BACE1: variants seen among roughly 807,000 people sequenced by gnomAD.
BACE1 encodes beta-secretase 1, also known as APP beta-secretase.
A neutral mutation model predicts 54.0 loss-of-function variants in BACE1; 21 were observed. That is an observed-to-expected ratio of 0.39 (90% CI 0.28 to 0.56). BACE1 has a LOEUF of 0.56. Among genes scored for constraint, BACE1 ranks in the 20% least tolerant of loss-of-function variants. BACE1 has a pLI of 0.63. For missense variants in BACE1, 511 were observed against 661.2 expected (o/e 0.77, Z 2.49); for synonymous variants, 232 against 260.9 (o/e 0.89, Z 1.07).
chr11:117,311,384 T>C (rs577402175), intron 1 of BACE1, among the ~76,000 whole-genome samples: 2 of 152,278 alleles, frequency 1.3e-5, no homozygotes, highest in African/African-American at 4.8e-5. Context: ...TCCTGCCACC[T>C]TTCCTATTCC....
chr11:117,289,625 GGCA>G lies in BACE1; in HGVS notation c.1444_1446del (p.Cys482del). 6.2e-7 allele frequency: 1 copy of G among 1,614,218 alleles called. No individual in the cohort carries two copies. Among genetic ancestry groups the G allele is most frequent in the Non-Finnish European group, 8.5e-7 (1 of 1,180,038 alleles). ...TCATGCTGCTGGCGCAGGCAGCGGA[GGCA>G]GCGCCACTGACACACCATGAGGCAG... On this transcript the variant is annotated inframe_deletion, in exon 9 of 9. Coordinates refer to ENST00000313005, the MANE Select transcript of BACE1 (RefSeq NM_012104.6).
intron 1 of BACE1, 153 bp from the exon 2 acceptor site, chr11:117,297,114 C>T (rs985063833): frequency 4.9e-6 from 3 of 607,726 alleles, no homozygotes; most frequent in African/African-American, 1.9e-5. Flanking sequence ...GCACCCGTTA[C>T]CACCACGACC....
rs972247205 is a variant in BACE1, at chr11:117,316,129, C to A, written c.-334G>T. ...GCCGGTGGCGGCTTCCCTGGTCCCC[C>A]CGGCGGGCGGCGGCGCGGGCAGGGG... On this transcript the variant is annotated 5_prime_UTR_variant, in exon 1 of 9. Coordinates refer to ENST00000313005, the MANE Select transcript of BACE1 (RefSeq NM_012104.6). 44 of 396,532 alleles carry A rather than the reference C, an allele frequency of 1.1e-4. No homozygotes were observed. The highest frequency in any genetic ancestry group is 5.8e-5 in the Non-Finnish European group (13 of 225,234). The allele number at this position is 396,532 out of a possible 1,614,324, so 24.6% of individuals were successfully genotyped here.
chr11:117,295,729 C>G (rs1415613185), intron 2 of BACE1: 2 of 1,424,652 alleles, frequency 1.4e-6, no homozygotes, highest in Middle Eastern at 2.6e-4. Flanking sequence ...ACCATTGACT[C>G]TCTTACTGCC....
rs1358349412 is a variant in BACE1, at chr11:117,294,327, G to A, written c.568-319C>T. The A allele has an allele frequency of 3.9e-5, 7 of 178,032 alleles. No individual in the cohort carries two copies. In the South Asian group the frequency reaches 8.2e-4, roughly 21 times the overall value. The allele number at this position is 178,032 out of a possible 1,614,324, so 11.0% of individuals were successfully genotyped here. A position where few individuals can be genotyped will look rare whatever the true frequency, so the allele number is the denominator to read the frequency against. ...CACCTCCTGGGTTCAAGTGATTCTC[G>A]TGCCTCAGCCTCCTGAGTAGCTGGG... On this transcript the variant is annotated intron_variant, in intron 3 of 8. Transcript: ENST00000313005.
intron 1 of BACE1, among the ~76,000 whole-genome samples, chr11:117,312,644 G>A (rs188291606): frequency 3.7e-4 from 56 of 152,112 alleles, no homozygotes; most frequent in African/African-American, 1.3e-3. Context: ...TGCATTTTTC[G>A]TAGAGATGGG....
Position 117,316,124 on chromosome 11 carries a change from TC to T in BACE1, c.-330del. 1.0e-5 allele frequency: 4 copies of T among 395,508 alleles called. No individual in the cohort carries two copies. The highest frequency in any genetic ancestry group is 1.3e-5 in the Non-Finnish European group (3 of 224,810). 24.5% of individuals were successfully genotyped at this position (395,508 alleles called of 1,614,324 possible). On this transcript the variant is annotated 5_prime_UTR_variant, in exon 1 of 9. Coordinates refer to ENST00000313005, the MANE Select transcript of BACE1 (RefSeq NM_012104.6). ...GGCGGGCCGGTGGCGGCTTCCCTGG[TC>T]CCCCCGGCGGGCGGCGGCGCGGGCA... is the stretch of plus-strand genomic sequence containing the variant.
chr11:117,306,209 T>A (rs769436074), intron 1 of BACE1, among the ~76,000 whole-genome samples: 1 of 152,146 alleles, frequency 6.6e-6, no homozygotes, highest in African/African-American at 2.4e-5. Context: ...TCTTGAGGCA[T>A]CTCTTCAGCA....
At chr11:117,312,573 C>G (rs776031952) in intron 1 of BACE1, among the ~76,000 whole-genome samples, 1 of 152,294 alleles carries the variant, frequency 6.6e-6, no homozygotes, top group Middle Eastern at 3.4e-3. Context: ...AGCAATTCTC[C>G]TACCTCAGCC....
chr11:117,305,359 T>C (rs142273276), intron 1 of BACE1, among the ~76,000 whole-genome samples: 4,541 of 152,092 alleles, frequency 0.03, 108 homozygotes, highest in South Asian at 0.049. Flanking sequence ...TGTCTCAGAG[T>C]CCAGCGACTG....
Position 117,315,955 on chromosome 11 carries a change from C to T in BACE1, c.-160G>A. 1 of 785,380 alleles carries T rather than the reference C, an allele frequency of 1.3e-6. No homozygotes were observed. The highest frequency in any genetic ancestry group is 1.8e-6 in the Non-Finnish European group (1 of 549,942). 48.7% of individuals were successfully genotyped at this position (785,380 alleles called of 1,614,324 possible). The stretch of plus-strand genomic sequence containing the variant: ...AGGGCCCTGGGCCAGCCCCCGGGTC[C>T]GGGCTGTGGAGAGCGGTCAGGGGAG... On this transcript the variant is annotated 5_prime_UTR_variant, in exon 1 of 9. Coordinates refer to ENST00000313005, the MANE Select transcript of BACE1 (RefSeq NM_012104.6). The surrounding 1 kb of genome is among the most constrained non-coding windows in gnomAD (Gnocchi z 5.5).
Position 117,290,636 on chromosome 11 carries a change from A to G in BACE1, c.1116T>C (p.Asp372=). Residue 372 remains aspartate (D), a synonymous_variant, in exon 8 of 9, where the codon GAT becomes GAC. Coordinates refer to ENST00000313005, the MANE Select transcript of BACE1 (RefSeq NM_012104.6). ...AACAGTCGTCTTGGGACGTGGCCACATCTTCCACTGGCCGCAGGTATTGCT... is the reference window on the plus strand; with the variant it reads ...AACAGTCGTCTTGGGACGTGGCCACGTCTTCCACTGGCCGCAGGTATTGCT... ...LPQQYLRPVE[D]VATSQDDCYK... The G allele has an allele frequency of 3.1e-6, 5 of 1,614,210 alleles. No individual in the cohort carries two copies. The highest frequency in any genetic ancestry group is 3.4e-6 in the Non-Finnish European group (4 of 1,180,048).
At chr11:117,291,353 C>G (rs931826671) in intron 6 of BACE1, among the ~76,000 whole-genome samples, 1 of 151,772 alleles carries the variant, frequency 6.6e-6, no homozygotes, top group African/African-American at 2.4e-5. Flanking sequence ...CATGGCTCAC[C>G]GCAACCTCCA....
chr11:117,294,242 G>C, intron 3 of BACE1: 1 of 312,660 alleles, frequency 3.2e-6, no homozygotes, highest in Non-Finnish European at 5.8e-6. Flanking sequence ...TTGAGACAGA[G>C]TTTTGCTCTT....
Position 117,316,240 on chromosome 11 carries a change from G to C in BACE1, c.-445C>G, listed in dbSNP as rs2035123216. On this transcript the variant is annotated 5_prime_UTR_variant, in exon 1 of 9. Coordinates refer to ENST00000313005, the MANE Select transcript of BACE1 (RefSeq NM_012104.6). Reference sequence around the variant, plus strand: ...GCTCGCAGCTCCCGGGCGGGCTGGGGAGGCGGAAAGACTTGTGGCGGCGGC... The same window carrying C: ...GCTCGCAGCTCCCGGGCGGGCTGGGCAGGCGGAAAGACTTGTGGCGGCGGC... The C allele has an allele frequency of 2.3e-6, 1 of 439,670 alleles. No individual in the cohort carries two copies. Among genetic ancestry groups the C allele is most frequent in the African/African-American group, 2.0e-5 (1 of 48,862 alleles). 27.2% of individuals were successfully genotyped at this position (439,670 alleles called of 1,614,324 possible). A position where few individuals can be genotyped will look rare whatever the true frequency, so the allele number is the denominator to read the frequency against.
Position 117,289,352 on chromosome 11 carries a change from G to T in BACE1, c.*214C>A. 1.4e-6 allele frequency: 1 copy of T among 690,932 alleles called. No individual in the cohort carries two copies. The highest frequency in any genetic ancestry group is 2.3e-6 in the Non-Finnish European group (1 of 437,948). 42.8% of individuals were successfully genotyped at this position (690,932 alleles called of 1,614,324 possible). On this transcript the variant is annotated 3_prime_UTR_variant, in exon 9 of 9. Transcript: ENST00000313005. ...CCAAGAGTATTCCCGCCAGCAGAGT[G>T]CTTCTTTCTTCTCTTTTCTGTTTCC...
Position 117,291,068 on chromosome 11 carries a change from G to T in BACE1, c.943-19C>A. 2 of 1,612,834 alleles carry T rather than the reference G, an allele frequency of 1.2e-6. No homozygotes were observed. The highest frequency in any genetic ancestry group is 1.7e-6 in the Non-Finnish European group (2 of 1,179,328). On this transcript the variant is annotated intron_variant, in intron 6 of 8. Transcript: ENST00000313005. ...TCTCCGTCTGTGTTGGCAAGAAGGG[G>T]ATAACAATGAGGAAAAGCCTCTTTA...
Position 117,315,953 on chromosome 11 carries a change from T to C in BACE1, c.-158A>G. On this transcript the variant is annotated 5_prime_UTR_variant, in exon 1 of 9. Coordinates refer to ENST00000313005, the MANE Select transcript of BACE1 (RefSeq NM_012104.6). The surrounding 1 kb of genome is among the most constrained non-coding windows in gnomAD (Gnocchi z 5.5). ...GCAGGGCCCTGGGCCAGCCCCCGGG[T>C]CCGGGCTGTGGAGAGCGGTCAGGGG... The C allele has an allele frequency of 1.2e-6, 1 of 808,256 alleles. No individual in the cohort carries two copies. Among genetic ancestry groups the C allele is most frequent in the South Asian group, 2.7e-5 (1 of 37,440 alleles). 50.1% of individuals were successfully genotyped at this position (808,256 alleles called of 1,614,324 possible). A position where few individuals can be genotyped will look rare whatever the true frequency, so the allele number is the denominator to read the frequency against.
At chr11:117,305,895 GC>G (rs2034823224) in intron 1 of BACE1, among the ~76,000 whole-genome samples, 1 of 152,014 alleles carries the variant, frequency 6.6e-6, no homozygotes, top group Non-Finnish European at 1.5e-5. Context: ...AATTAGCCGG[GC>G]GTGATGGCAG....
Sources: gnomAD v4.1 joint callset for allele counts (sites outside exome capture counted in the v4.1 genomes callset) on GRCh38, gnomAD v4.1.1 for gene constraint, Gnocchi (gnomAD v3.1) non-coding constraint, MANE v1.5 for transcripts, NCBI Gene and HGNC (gene_info 2026-07-23, HGNC 2026-07-21) for gene names.